CACNA2D3: variants seen among roughly 807,000 people sequenced by gnomAD.
CACNA2D3 encodes the protein calcium voltage-gated channel auxiliary subunit alpha2delta 3, also known as voltage-dependent calcium channel subunit alpha-2/delta-3.
CACNA2D3 carries 60 observed loss-of-function variants against 160.6 expected under a neutral mutation model. The ratio of observed to expected loss-of-function variants is 0.37; its 90% CI spans 0.30 to 0.46. CACNA2D3 has a LOEUF of 0.46. CACNA2D3 is among the 20% of genes least tolerant of loss of function. The probability of loss-of-function intolerance (pLI) is 1.00; values close to 1 mark genes in which losing one functional copy is unlikely to be tolerated. For synonymous variants in CACNA2D3, 558 were observed against 492.9 expected, an observed-to-expected ratio of 1.13 and a Z score of -1.75; for missense variants, 1,205 against 1,365.0, an observed-to-expected ratio of 0.88 and a Z score of 1.85.
At chr3:54,326,106 G>A (rs1313346529) in intron 3 of CACNA2D3, among the ~76,000 whole-genome samples, 7 of 152,132 alleles carry the variant, frequency 4.6e-5, no homozygotes, top group Non-Finnish European at 4.4e-5. Flanking sequence ...GTGCATTCAC[G>A]CATCAGTCCA....
intron 11 of CACNA2D3, among the ~76,000 whole-genome samples, chr3:54,750,497 T>C (rs1386839317): frequency 6.6e-6 from 1 of 152,210 alleles, no homozygotes; most frequent in African/African-American, 2.4e-5. Context: ...GCTCTGGGCC[T>C]TGGAGCTGGT....
chr3:54,891,442 C>T lies in CACNA2D3; in HGVS notation c.2238C>T (p.Leu746=), dbSNP rs376732168. 13 of 1,613,220 alleles carry T rather than the reference C, an allele frequency of 8.1e-6. No individual in the cohort carries two copies. Among genetic ancestry groups the T allele is most frequent in the Non-Finnish European group, 1.7e-6 (2 of 1,179,400 alleles). ...RINLFVGAEQ[L]TNQDFLKAGD... ...ACCTGTTTGTCGGGGCTGAGCAGCT[C>T]ACCAATCAGTAAGTAGGAGGGATCC... Residue 746 remains leucine, a synonymous_variant, in exon 25 of 38, where the codon CTC becomes CTT. Transcript: ENST00000474759.
intron 27 of CACNA2D3, among the ~76,000 whole-genome samples, chr3:54,923,433 CA>C (rs1313020446): frequency 6.6e-5 from 10 of 152,164 alleles, no homozygotes; most frequent in African/African-American, 2.4e-4. Flanking sequence ...TCAGCCATGT[CA>C]CCTCCTTGGA....
chr3:54,919,671 G>A (rs915166455), intron 27 of CACNA2D3, among the ~76,000 whole-genome samples: 18 of 152,328 alleles, frequency 1.2e-4, no homozygotes, highest in African/African-American at 4.1e-4. Context: ...GTCTAGTCTA[G>A]TGTGACCACT....
intron 5 of CACNA2D3, among the ~76,000 whole-genome samples, chr3:54,522,185 T>A (rs907317330): frequency 2.6e-5 from 4 of 152,076 alleles, no homozygotes; most frequent in South Asian, 2.1e-4. Context: ...TGAGATATAT[T>A]TTTTTTCATT....
At chr3:54,590,165 A>G (rs75884117) in intron 9 of CACNA2D3, among the ~76,000 whole-genome samples, 6 of 152,224 alleles carry the variant, frequency 3.9e-5, no homozygotes, top group Admixed American at 2.0e-4. Context: ...ATATCCTTCA[A>G]TGACTGAATG....
At chr3:54,689,020 T>G (rs1575424513) in intron 11 of CACNA2D3, among the ~76,000 whole-genome samples, 3 of 106,348 alleles carry the variant, frequency 2.8e-5, no homozygotes, top group African/African-American at 6.9e-5. Flanking sequence ...AAGAATGAGG[T>G]TGTATACATA....
chr3:54,200,352 G>C (rs1425904134), intron 2 of CACNA2D3, among the ~76,000 whole-genome samples: 1 of 152,300 alleles, frequency 6.6e-6, no homozygotes. Context: ...CTGGGTAGCT[G>C]TTCCAGAGCA....
chr3:55,064,468 C>T (rs1277701611), intron 35 of CACNA2D3, among the ~76,000 whole-genome samples: 1 of 152,144 alleles, frequency 6.6e-6, no homozygotes, highest in South Asian at 2.1e-4. Context: ...TAGCTGGGAA[C>T]ACCCTGGGGA....
At chr3:54,946,587 C>T (rs1356355904) in intron 27 of CACNA2D3, among the ~76,000 whole-genome samples, 1 of 152,172 alleles carries the variant, frequency 6.6e-6, no homozygotes, top group Non-Finnish European at 1.5e-5. Context: ...GAGCAGGTTA[C>T]TTTCACCAAG....
chr3:54,448,035 G>T (rs1700249477), intron 4 of CACNA2D3, among the ~76,000 whole-genome samples: 1 of 152,144 alleles, frequency 6.6e-6, no homozygotes, highest in Non-Finnish European at 1.5e-5. Flanking sequence ...GAGACATCTG[G>T]CTTCAGGTAA....
chr3:54,677,032 G>C (rs1034273705), intron 11 of CACNA2D3, among the ~76,000 whole-genome samples: 2 of 152,158 alleles, frequency 1.3e-5, no homozygotes, highest in African/African-American at 4.8e-5. Flanking sequence ...TGGCATTTGA[G>C]ATTCAGAAAG....
At position 54,730,890 on chromosome 3, in the gene CACNA2D3, A is replaced by G. The variant is rs72872275; in HGVS notation, c.1168-21709A>G. On this transcript the variant is annotated intron_variant, in intron 11 of 37. Transcript: ENST00000474759. ...ACAAGTGTTGCTGCATTACCGAAAC[A>G]AAATTAATTTAAATTCTCTTTAAAC... 1.8e-3 allele frequency among the ~76,000 whole-genome samples: 271 copies of G among 152,322 alleles called. 2 individuals carry two copies. Among genetic ancestry groups the G allele is most frequent in the African/African-American group, 6.4e-3 (265 of 41,568 alleles).
At chr3:54,986,389 T>C (rs1259897747) in intron 30 of CACNA2D3, among the ~76,000 whole-genome samples, 1 of 152,162 alleles carries the variant, frequency 6.6e-6, no homozygotes, top group African/African-American at 2.4e-5. Flanking sequence ...TAATTCTTCA[T>C]CTAACAACCA....
At chr3:54,956,584 G>C (rs1183506614) in intron 27 of CACNA2D3, among the ~76,000 whole-genome samples, 1 of 151,998 alleles carries the variant, frequency 6.6e-6, no homozygotes, top group Non-Finnish European at 1.5e-5. Flanking sequence ...CTCTTCAACT[G>C]GTCTTAGGCT....
At position 54,122,794 on chromosome 3, in the gene CACNA2D3, G is replaced by A. The variant is rs927883355; in HGVS notation, c.81G>A (p.Leu27=). Residue 27 remains leucine (L), a synonymous_variant, in exon 1 of 38, where the codon CTG becomes CTA. Coordinates refer to ENST00000474759, the MANE Select transcript of CACNA2D3 (RefSeq NM_018398.3). ...LLAAALLYAA[L]GDVVRSEQQI... ...CTGCCGCGCTTCTCTACGCCGCGCTGGGGGACGTGGTGCGCTCGGAGCAGC... is the reference window on the plus strand; with the variant it reads ...CTGCCGCGCTTCTCTACGCCGCGCTAGGGGACGTGGTGCGCTCGGAGCAGC... The A allele has an allele frequency of 2.4e-6, 3 of 1,231,752 alleles. No individual in the cohort carries two copies. The African/African-American group carries it at 4.7e-5, about 19-fold the overall frequency. The allele number at this position is 1,231,752 out of a possible 1,614,324, so 76.3% of individuals were successfully genotyped here. A position where few individuals can be genotyped will look rare whatever the true frequency, so the allele number is the denominator to read the frequency against.
At chr3:54,983,235 A>C (rs1334377504) in intron 29 of CACNA2D3, among the ~76,000 whole-genome samples, 1 of 152,240 alleles carries the variant, frequency 6.6e-6, no homozygotes, top group African/African-American at 2.4e-5. Flanking sequence ...TGTAGTCACT[A>C]ACCAGAGGTA....
At chr3:54,478,295 T>C (rs1181572523) in intron 4 of CACNA2D3, among the ~76,000 whole-genome samples, 2 of 152,094 alleles carry the variant, frequency 1.3e-5, no homozygotes, top group African/African-American at 4.8e-5. Context: ...AGGTGAACCA[T>C]GGTCTGAAAA....
chr3:54,851,387 C>G (rs570513463), intron 17 of CACNA2D3, among the ~76,000 whole-genome samples: 7 of 152,274 alleles, frequency 4.6e-5, no homozygotes, highest in African/African-American at 1.7e-4. Flanking sequence ...GGTAAATATC[C>G]TCATGTTACA....
Sources: allele counts gnomAD v4.1 joint callset (sites outside exome capture counted in the v4.1 genomes callset), GRCh38; gene constraint gnomAD v4.1.1; transcripts MANE v1.5; gene names NCBI Gene and HGNC (gene_info 2026-07-23, HGNC 2026-07-21).